AGBL4: variants seen among roughly 807,000 people sequenced by gnomAD.
AGBL4 encodes the protein cytosolic carboxypeptidase 6.
Under a neutral mutation model 66.4 loss-of-function variants are expected in AGBL4, and 58 were observed. The observed-to-expected ratio is 0.87, with a 90% CI of 0.71 to 1.09. The LOEUF (loss-of-function observed/expected upper bound fraction) is 1.09, where lower values mean the gene tolerates loss of function less well. AGBL4 is among the 50% of genes least tolerant of loss of function. AGBL4 has a pLI of 0.00. For synonymous variants in AGBL4, 234 were observed against 222.9 expected, an observed-to-expected ratio of 1.05 and a Z score of -0.44; for missense variants, 579 against 631.0, an observed-to-expected ratio of 0.92 and a Z score of 0.88.
intron 2 of AGBL4, among the ~76,000 whole-genome samples, chr1:49,798,153 T>C (rs970800914): frequency 6.6e-6 from 1 of 152,178 alleles, no homozygotes; most frequent in African/African-American, 2.4e-5. Flanking sequence ...TCGAATCTGA[T>C]GGATGATCAA....
chr1:49,405,033 T>C (rs551436835), intron 3 of AGBL4, among the ~76,000 whole-genome samples: 4 of 152,326 alleles, frequency 2.6e-5, no homozygotes, highest in Admixed American at 6.5e-5. Flanking sequence ...CACTGGGTGC[T>C]TGGGAATGCT....
chr1:49,668,454 T>G (rs1421569997), intron 3 of AGBL4, among the ~76,000 whole-genome samples: 2 of 152,182 alleles, frequency 1.3e-5, no homozygotes, highest in African/African-American at 4.8e-5. Context: ...ATTACGGAAA[T>G]AAATTAAACT....
At chr1:48,825,893 C>G (rs1646417656) in intron 6 of AGBL4, among the ~76,000 whole-genome samples, 1 of 152,060 alleles carries the variant, frequency 6.6e-6, no homozygotes, top group Non-Finnish European at 1.5e-5. Context: ...GCAGGGAAGT[C>G]CTGTGCTGGA....
At chr1:49,985,294 G>A (rs1018721528) in intron 1 of AGBL4, among the ~76,000 whole-genome samples, 15 of 151,958 alleles carry the variant, frequency 9.9e-5, no homozygotes, top group South Asian at 4.2e-4. Flanking sequence ...TATTAGAAAC[G>A]AATCCAAGAG....
At chr1:48,698,966 A>G (rs1646758283) in intron 6 of AGBL4, among the ~76,000 whole-genome samples, 1 of 152,198 alleles carries the variant, frequency 6.6e-6, no homozygotes. Context: ...CTTTAAAACA[A>G]TTTAACTCTC....
chr1:48,882,634 G>A (rs1002087045), intron 5 of AGBL4, among the ~76,000 whole-genome samples: 2 of 151,984 alleles, frequency 1.3e-5, no homozygotes, highest in Non-Finnish European at 2.9e-5. Context: ...ATTTTTTGTG[G>A]TGAGAACACT....
intron 3 of AGBL4, among the ~76,000 whole-genome samples, chr1:49,562,039 T>C (rs975568430): frequency 2.0e-5 from 3 of 152,146 alleles, no homozygotes; most frequent in African/African-American, 7.2e-5. Context: ...GGTTTTGATT[T>C]GCATTTCTCT....
intron 1 of AGBL4, among the ~76,000 whole-genome samples, chr1:50,018,502 G>A (rs1476423952): frequency 6.6e-6 from 1 of 152,034 alleles, no homozygotes; most frequent in Non-Finnish European, 1.5e-5. Context: ...ATACTCCATT[G>A]CTGAAATTTA....
intron 3 of AGBL4, among the ~76,000 whole-genome samples, chr1:49,446,422 T>C (rs554728309): frequency 2.6e-5 from 4 of 152,284 alleles, no homozygotes; most frequent in South Asian, 2.1e-4. Flanking sequence ...CAGTAGTGTA[T>C]GTAGACTCTG....
chr1:49,910,086 C>A (rs1038560412), intron 1 of AGBL4, among the ~76,000 whole-genome samples: 5 of 152,106 alleles, frequency 3.3e-5, no homozygotes, highest in African/African-American at 1.2e-4. Flanking sequence ...AGGAACTAAA[C>A]TGAATAAGAT....
In AGBL4 at chr1:48,736,969, G is replaced by T. The variant is rs1028272559; in HGVS notation, c.635-73728C>A. ...TTCTCAACCTTGGCTGCACACAGGG[G>T]TCACCTAGGGAGCTGTAAAAATCAC... On this transcript the variant is annotated intron_variant, in intron 6 of 13. Transcript: ENST00000371839. The surrounding 1 kb of genome is among the most constrained non-coding windows in gnomAD (Gnocchi z 4.0). 2.6e-5 allele frequency among the ~76,000 whole-genome samples: 4 copies of T among 152,096 alleles called. No homozygotes were observed. Among genetic ancestry groups the T allele is most frequent in the African/African-American group, 9.7e-5 (4 of 41,408 alleles).
At chr1:49,182,409 C>A in intron 4 of AGBL4, among the ~76,000 whole-genome samples, 1 of 152,294 alleles carries the variant, frequency 6.6e-6, no homozygotes, top group East Asian at 1.9e-4. Context: ...CAATCTTTAA[C>A]GGAAATATCC....
rs554437968 is a variant in AGBL4 at position 49,966,889 on chromosome 1, T to C, written c.34+56874A>G. Among the ~76,000 whole-genome samples, 5 of 152,292 alleles carry C rather than the reference T, an allele frequency of 3.3e-5. No homozygotes were observed. The South Asian group carries it at 1.0e-3, about 32-fold the overall frequency. On this transcript the variant is annotated intron_variant, in intron 1 of 13. Transcript: ENST00000371839. The stretch of plus-strand genomic sequence containing the variant: ...TCTTGATAGAATTGCCAAACTGCTA[T>C]CTAAAAAGATTATACTGTTGGACAT...
intron 6 of AGBL4, among the ~76,000 whole-genome samples, chr1:48,726,257 T>C (rs1192300001): frequency 2.0e-5 from 3 of 152,206 alleles, no homozygotes; most frequent in African/African-American, 4.8e-5. Context: ...TACCATATTT[T>C]ATTAGTCTTT....
intron 3 of AGBL4, chr1:49,268,409 AACACACACACACACACACACAC>A (rs66639251): frequency 3.0e-5 from 4 of 133,008 alleles, no homozygotes; most frequent in African/African-American, 1.2e-4. Context: ...TTTTTTTTTA[AACACACACACACACACACACAC>A]ACACACACAC....
intron 11 of AGBL4, among the ~76,000 whole-genome samples, chr1:48,570,441 C>T (rs1395023998): frequency 6.6e-6 from 1 of 152,176 alleles, no homozygotes; most frequent in African/African-American, 2.4e-5. Flanking sequence ...GATGTGAGGA[C>T]AGGAGGAAGA....
intron 6 of AGBL4, among the ~76,000 whole-genome samples, chr1:48,756,587 CCA>C (rs1643941103): frequency 2.0e-5 from 3 of 152,170 alleles, no homozygotes; most frequent in African/African-American, 7.2e-5. Context: ...CTTCCCAAAG[CCA>C]CAGAGTTGGG....
intron 3 of AGBL4, among the ~76,000 whole-genome samples, chr1:49,692,235 C>T (rs1484072835): frequency 6.6e-6 from 1 of 152,000 alleles, no homozygotes; most frequent in East Asian, 1.9e-4. Flanking sequence ...AACTGAGGTA[C>T]CAAGAGATTA....
chr1:48,737,309 G>GAAAA (rs750040680), intron 6 of AGBL4, among the ~76,000 whole-genome samples: 2 of 151,370 alleles, frequency 1.3e-5, no homozygotes, highest in East Asian at 3.9e-4. Context: ...AAAAAGAAAA[G>GAAAA]AAAAAAAAAT....
Sources: allele counts gnomAD v4.1 joint callset (sites outside exome capture counted in the v4.1 genomes callset), GRCh38; gene constraint gnomAD v4.1.1; non-coding constraint Gnocchi (gnomAD v3.1); transcripts MANE v1.5; gene names NCBI Gene and HGNC (gene_info 2026-07-23, HGNC 2026-07-21).